HSP90AA1: variants seen among roughly 807,000 people sequenced by gnomAD.
HSP90AA1 encodes the protein heat shock protein 90 alpha family class A member 1, also known as heat shock protein HSP 90-alpha.
In HSP90AA1, 18 loss-of-function variants were observed where a neutral mutation model predicts 73.3. That is an observed-to-expected ratio of 0.25 (90% confidence interval 0.17 to 0.36). HSP90AA1 has a LOEUF of 0.36. Ranked by LOEUF, HSP90AA1 falls within the 10% of genes least tolerant of loss-of-function variation. HSP90AA1 has a pLI of 1.00. For synonymous variants in HSP90AA1, 477 were observed against 296.9 expected, an observed-to-expected ratio of 1.61 and a Z score of -6.24; for missense variants, 704 against 874.2, an observed-to-expected ratio of 0.81 and a Z score of 2.45.
At chr14:102,137,448 C>G in intron 1 of HSP90AA1, among the ~76,000 whole-genome samples, 1 of 151,684 alleles carries the variant, frequency 6.6e-6, no homozygotes, top group Non-Finnish European at 1.5e-5. Flanking sequence ...GCCTCAGCCT[C>G]CCGAGCAGCT....
chr14:102,085,234 T>C lies in HSP90AA1; in HGVS notation c.663+64A>G, dbSNP rs927072983. 4.6e-6 allele frequency: 7 copies of C among 1,534,582 alleles called. No individual in the cohort carries two copies. The Admixed American group carries it at 6.7e-5, about 15-fold the overall frequency. On this transcript the variant is annotated intron_variant, in intron 4 of 10. Transcript: ENST00000216281. ...GTTGAACAGATCTAGGGACTAAGGA[T>C]GTAGTACAGTCACCCCAATCACCTA...
chr14:102,086,062 C>G lies in HSP90AA1; in HGVS notation c.225G>C (p.Glu75Asp), dbSNP rs767592968. The change falls in exon 3 of 11, where the codon GAG becomes GAC. Residue 75 changes from glutamate (E) to aspartate (D), a missense_variant. Physicochemically the swap from Glu to Asp is conservative, Grantham distance 45 (BLOSUM62 2). Transcript: ENST00000216281. ...TGTTCGGTATAAGGTTAATATGCAG[C>G]TCTTTCCCAGAGTCTAATTTACTGG... Reference protein sequence around the residue: ...TDPSKLDSGKELHINLIPNKQ... With the variant: ...TDPSKLDSGKDLHINLIPNKQ... The G allele has an allele frequency of 1.1e-5, 18 of 1,613,778 alleles. No homozygotes were observed. The highest frequency in any genetic ancestry group is 9.3e-6 in the Non-Finnish European group (11 of 1,179,832).
intron 1 of HSP90AA1, among the ~76,000 whole-genome samples, chr14:102,114,312 G>A (rs192621194): frequency 1.7e-3 from 261 of 152,186 alleles, no homozygotes; most frequent in African/African-American, 6.1e-3. Context: ...CATTTATTTT[G>A]ATCTCTAAGT....
chr14:102,130,495 G>A (rs1287527479), intron 1 of HSP90AA1, among the ~76,000 whole-genome samples: 1 of 152,164 alleles, frequency 6.6e-6, no homozygotes, highest in African/African-American at 2.4e-5. Flanking sequence ...TATATGAAGT[G>A]ACATCTCCTT....
At chr14:102,093,602 C>G (rs969339842) in intron 2 of HSP90AA1, among the ~76,000 whole-genome samples, 10 of 152,162 alleles carry the variant, frequency 6.6e-5, no homozygotes, top group Non-Finnish European at 1.5e-4. Context: ...CACTCGCTGG[C>G]TGTGTGACTG....
chr14:102,087,538 G>A (rs1435721618), upstream of HSP90AA1, among the ~76,000 whole-genome samples: 1 of 152,064 alleles, frequency 6.6e-6, no homozygotes, highest in Non-Finnish European at 1.5e-5. Context: ...GGTCTCACGC[G>A]CCCGGGAGAC....
chr14:102,089,505 C>A (rs1018208444), upstream of HSP90AA1, among the ~76,000 whole-genome samples: 13 of 152,234 alleles, frequency 8.5e-5, no homozygotes, highest in African/African-American at 3.1e-4. Flanking sequence ...CACGCCAGCC[C>A]CTGGCTGTTC....
upstream of HSP90AA1, among the ~76,000 whole-genome samples, chr14:102,087,948 TTTC>T (rs1449989302): frequency 4.8e-4 from 57 of 117,894 alleles, no homozygotes; most frequent in African/African-American, 1.2e-3. Flanking sequence ...TTTTTTTTTT[TTTC>T]TTTTTTTTTT....
chr14:102,137,470 C>G (rs2050018357), intron 1 of HSP90AA1, among the ~76,000 whole-genome samples: 2 of 151,592 alleles, frequency 1.3e-5, no homozygotes, highest in African/African-American at 4.8e-5. Flanking sequence ...GGATTACAGG[C>G]ATGTGTCACC....
At chr14:102,113,473 C>G (rs1175157012) in intron 1 of HSP90AA1, among the ~76,000 whole-genome samples, 1 of 151,874 alleles carries the variant, frequency 6.6e-6, no homozygotes, top group East Asian at 1.9e-4. Flanking sequence ...CTCCGCCTCC[C>G]AGGTTCAAGC....
intron 1 of HSP90AA1, among the ~76,000 whole-genome samples, chr14:102,104,099 C>T (rs775771907): frequency 3.3e-5 from 5 of 151,816 alleles, no homozygotes; most frequent in Non-Finnish European, 5.9e-5. Flanking sequence ...ATCTCATCAG[C>T]AGCCTTGTTC....
Position 102,082,178 on chromosome 14 carries a change from A to C in HSP90AA1, c.2022T>G (p.Ser674=). 6.2e-7 allele frequency: 1 copy of C among 1,613,924 alleles called. No individual in the cohort carries two copies. Among genetic ancestry groups the C allele is most frequent in the Non-Finnish European group, 8.5e-7 (1 of 1,179,794 alleles). ...TCTGGGGATCTTCCAGACTGAAGCC[A>C]GAAGACAGGAGCGCAGTTTCATAAA... The part of the protein sequence containing the change: ...ILLYETALLS[S]GFSLEDPQTH... The change falls in exon 10 of 11, where the codon TCT becomes TCG. Residue 674 remains serine, a synonymous_variant. Transcript: ENST00000216281.
chr14:102,085,395 T>C lies in HSP90AA1; in HGVS notation c.566A>G (p.His189Arg). 3 of 1,613,828 alleles carry C rather than the reference T, an allele frequency of 1.9e-6. No homozygotes were observed. The highest frequency in any genetic ancestry group is 2.5e-6 in the Non-Finnish European group (3 of 1,179,712). Residue 189 changes from histidine (H) to arginine (R), a missense_variant, in exon 4 of 11, where the codon CAC becomes CGC. Transcript: ENST00000216281. ...GTACTCAGTTTGGTCTTCTTTCAGG[T>C]GTAGGATAACTTTTGTTCCACGACC... is the stretch of plus-strand genomic sequence containing the variant. Reference protein sequence around the residue: ...PMGRGTKVILHLKEDQTEYLE... With the variant: ...PMGRGTKVILRLKEDQTEYLE...
At chr14:102,126,133 CAG>C (rs1249191290) in intron 1 of HSP90AA1, among the ~76,000 whole-genome samples, 2 of 152,084 alleles carry the variant, frequency 1.3e-5, no homozygotes, top group African/African-American at 2.4e-5. Flanking sequence ...GATGAATAAG[CAG>C]AGAGCATACC....
Position 102,083,016 on chromosome 14 carries a change from A to G in HSP90AA1, c.1755+18T>C. 1 of 1,610,358 alleles carries G rather than the reference A, an allele frequency of 6.2e-7. No individual in the cohort carries two copies. Among genetic ancestry groups the G allele is most frequent in the Non-Finnish European group, 8.5e-7 (1 of 1,176,630 alleles). On this transcript the variant is annotated intron_variant, in intron 9 of 10. Coordinates refer to ENST00000216281, the MANE Select transcript of HSP90AA1 (RefSeq NM_005348.4). The stretch of plus-strand genomic sequence containing the variant: ...ACCTTAGAAGTATCAATGATCAGGA[A>G]ATGCTGTATTCACATACCTTTTCAA...
chr14:102,098,194 C>T (rs182950051), intron 2 of HSP90AA1, among the ~76,000 whole-genome samples: 27 of 152,108 alleles, frequency 1.8e-4, no homozygotes, highest in East Asian at 9.7e-4. Context: ...CAGAGTCTCG[C>T]TCTGTCTCCC....
At chr14:102,100,376 G>A (rs1285497306) in intron 2 of HSP90AA1, among the ~76,000 whole-genome samples, 2 of 151,926 alleles carry the variant, frequency 1.3e-5, no homozygotes, top group Non-Finnish European at 2.9e-5. Flanking sequence ...ATGCAGCCTG[G>A]GCGACAGAGT....
intron 9 of HSP90AA1, 77 bp downstream of exon 9, chr14:102,082,957 C>T (rs376289228): frequency 3.5e-5 from 50 of 1,426,650 alleles, no homozygotes; most frequent in African/African-American, 1.8e-4. Context: ...TGAAAACATG[C>T]GAAAATGGGC....
chr14:102,085,764 C>A lies in HSP90AA1; in HGVS notation c.523G>T (p.Asp175Tyr). The A allele has an allele frequency of 6.2e-7, 1 of 1,614,006 alleles. No individual in the cohort carries two copies. The highest frequency in any genetic ancestry group is 8.5e-7 in the Non-Finnish European group (1 of 1,179,864). ...TGAATGTTCAGGTGCCTACCTGTGT[C>A]TGTCCTCACTGTGAATGATCCCCCT... ...SAGGSFTVRT[D>Y]TGEPMGRGTK... The change falls in exon 3 of 11, where the codon GAC (aspartate) becomes TAC (tyrosine). Residue 175 changes from aspartate (D) to tyrosine (Y), a missense_variant. Coordinates refer to ENST00000216281, the MANE Select transcript of HSP90AA1 (RefSeq NM_005348.4).
Sources: allele counts gnomAD v4.1 joint callset (sites outside exome capture counted in the v4.1 genomes callset), GRCh38; gene constraint gnomAD v4.1.1; transcripts MANE v1.5; gene names NCBI Gene and HGNC (gene_info 2026-07-23, HGNC 2026-07-21).